Variants in MR1 observed in about 807,000 individuals in gnomAD.
The protein encoded by MR1 is major histocompatibility complex, class I-related.
Under a neutral mutation model 37.8 loss-of-function variants are expected in MR1, and 44 were observed. The observed-to-expected ratio is 1.16, with a 90% CI of 0.91 to 1.50. The LOEUF (loss-of-function observed/expected upper bound fraction) is 1.50. Among genes scored for constraint, MR1 ranks in the 40% most tolerant of loss-of-function variants. The probability of loss-of-function intolerance (pLI) is 0.00; values close to 1 mark genes in which losing one functional copy is unlikely to be tolerated. For synonymous variants in MR1, 153 were observed against 155.8 expected, an observed-to-expected ratio of 0.98 and a Z score of 0.13; for missense variants, 386 against 419.1, an observed-to-expected ratio of 0.92 and a Z score of 0.69.
At chr1:181,040,330 A>C (rs12752307) in intron 1 of MR1, among the ~76,000 whole-genome samples, 108,931 of 152,040 alleles carry the variant, frequency 0.72, 39,391 homozygotes, top group African/African-American at 0.79. Context: ...CAAAAATGGT[A>C]AAATATTGGC....
intron 2 of MR1, chr1:181,049,602 T>C: frequency 7.8e-6 from 4 of 514,660 alleles, no homozygotes; most frequent in Non-Finnish European, 1.4e-5. Context: ...TCCTTTTCCA[T>C]TCTAAATTTG....
chr1:181,055,162 A>G, intron 5 of MR1, 63 bp from the exon 6 acceptor site: 2 of 1,512,882 alleles, frequency 1.3e-6, no homozygotes, highest in Non-Finnish European at 1.8e-6. Context: ...AACACTGCAT[A>G]CTTTATTTTT....
At position 181,056,371 on chromosome 1, in the gene MR1, A is replaced by G. The variant is rs1422835332; in HGVS notation, c.*1106A>G. 1.8e-5 allele frequency: 1 copy of G among 54,918 alleles called. No individual in the cohort carries two copies. Among genetic ancestry groups the G allele is most frequent in the Non-Finnish European group, 2.9e-5 (1 of 34,334 alleles). The allele number at this position is 54,918 out of a possible 1,614,324, so 3.4% of individuals were successfully genotyped here. On this transcript the variant is annotated 3_prime_UTR_variant, in exon 6 of 6. Transcript: ENST00000367580. ...GAGTGAGACTCTATCTCAAAATAAT[A>G]ATAATAATAATAATAATAATAATAA...
At chr1:181,050,371 T>C (rs1487094575) in intron 3 of MR1, 85 bp downstream of exon 3, 2 of 1,548,430 alleles carry the variant, frequency 1.3e-6, no homozygotes, top group South Asian at 2.3e-5. Context: ...TTATATCCAC[T>C]GTATCCTGAA....
At chr1:181,049,510 T>C in intron 2 of MR1, 198 bp downstream of exon 2, 1 of 643,264 alleles carries the variant, frequency 1.6e-6, no homozygotes, top group Non-Finnish European at 2.6e-6. Flanking sequence ...CCAGGAGCAC[T>C]CTGTCATTTG....
At chr1:181,047,521 C>T (rs1657960210) in intron 1 of MR1, among the ~76,000 whole-genome samples, 2 of 152,128 alleles carry the variant, frequency 1.3e-5, no homozygotes, top group Admixed American at 1.3e-4. Context: ...ATCACTTGAA[C>T]CCAGGAGGCA....
chr1:181,059,935 T>G lies in MR1; in HGVS notation c.*4670T>G, dbSNP rs1244982858. 2.0e-5 allele frequency: 3 copies of G among 152,200 alleles called. No individual in the cohort carries two copies. Among genetic ancestry groups the G allele is most frequent in the Non-Finnish European group, 2.9e-5 (2 of 68,030 alleles). The allele number at this position is 152,200 out of a possible 1,614,324, so 9.4% of individuals were successfully genotyped here. ...AAAGATGCAACATGTCACAATGTCATGTTCTCCATCGTCTCCCCGTTCCAC... is the reference window on the plus strand; with the variant it reads ...AAAGATGCAACATGTCACAATGTCAGGTTCTCCATCGTCTCCCCGTTCCAC... On this transcript the variant is annotated 3_prime_UTR_variant, in exon 6 of 6. Coordinates refer to ENST00000367580, the MANE Select transcript of MR1 (RefSeq NM_001385161.1).
At chr1:181,035,083 T>C (rs994645631) in intron 1 of MR1, among the ~76,000 whole-genome samples, 43 of 152,226 alleles carry the variant, frequency 2.8e-4, no homozygotes, top group African/African-American at 1.0e-3. Flanking sequence ...GACGGATCGC[T>C]TGAGGTCAGG....
chr1:181,055,343 G>T lies in MR1; in HGVS notation c.*78G>T. 3 of 1,374,956 alleles carry T rather than the reference G, an allele frequency of 2.2e-6. No individual in the cohort carries two copies. Among genetic ancestry groups the T allele is most frequent in the Non-Finnish European group, 3.1e-6 (3 of 968,288 alleles). 85.2% of individuals were successfully genotyped at this position (1,374,956 alleles called of 1,614,324 possible). On this transcript the variant is annotated 3_prime_UTR_variant, in exon 6 of 6. Coordinates refer to ENST00000367580, the MANE Select transcript of MR1 (RefSeq NM_001385161.1). Reference sequence around the variant, plus strand: ...TGTCCCCCATAGAGTCAAGCCTAGTGCTTGAAGGTCCTGACGACACCCACA... The same window carrying T: ...TGTCCCCCATAGAGTCAAGCCTAGTTCTTGAAGGTCCTGACGACACCCACA...
At chr1:181,044,921 G>C (rs745639513) in intron 1 of MR1, among the ~76,000 whole-genome samples, 33 of 152,252 alleles carry the variant, frequency 2.2e-4, no homozygotes, top group Non-Finnish European at 5.9e-5. Flanking sequence ...CAGGCTGAGG[G>C]CCGGGGACTG....
intron 1 of MR1, among the ~76,000 whole-genome samples, chr1:181,045,378 G>A (rs1203467939): frequency 6.6e-6 from 1 of 152,094 alleles, no homozygotes; most frequent in African/African-American, 2.4e-5. Flanking sequence ...AGCCTTCTCA[G>A]CCTGGGCTCC....
rs966915734 is a variant in MR1, at chr1:181,057,535, A to G, written c.*2270A>G. ...GGATACTCTCATCAAAGACACAGATAAAAAGCCTCTGTGTTTCCAAGGCCT... is the reference window on the plus strand; with the variant it reads ...GGATACTCTCATCAAAGACACAGATGAAAAGCCTCTGTGTTTCCAAGGCCT... On this transcript the variant is annotated 3_prime_UTR_variant, in exon 6 of 6. Coordinates refer to ENST00000367580, the MANE Select transcript of MR1 (RefSeq NM_001385161.1). 4 of 152,202 alleles carry G rather than the reference A, an allele frequency of 2.6e-5. No homozygotes were observed. Among genetic ancestry groups the G allele is most frequent in the African/African-American group, 9.7e-5 (4 of 41,450 alleles). 9.4% of individuals were successfully genotyped at this position (152,202 alleles called of 1,614,324 possible). A position where few individuals can be genotyped will look rare whatever the true frequency, so the allele number is the denominator to read the frequency against.
At chr1:181,043,902 C>G (rs995278206) in intron 1 of MR1, among the ~76,000 whole-genome samples, 1 of 149,386 alleles carries the variant, frequency 6.7e-6, no homozygotes, top group African/African-American at 2.5e-5. Flanking sequence ...TATAAACAAA[C>G]TTGTAGCACA....
intron 1 of MR1, among the ~76,000 whole-genome samples, chr1:181,043,144 C>G (rs1436169470): frequency 6.6e-6 from 1 of 152,192 alleles, no homozygotes; most frequent in East Asian, 1.9e-4. Flanking sequence ...TATGAAGAGG[C>G]TCTCATGACT....
intron 4 of MR1, 36 bp from the exon 5 acceptor site, chr1:181,053,537 G>A: frequency 6.7e-7 from 1 of 1,486,152 alleles, no homozygotes; most frequent in Non-Finnish European, 9.4e-7. Context: ...AAGGGAAAGG[G>A]GACTTGTGGA....
intron 1 of MR1, among the ~76,000 whole-genome samples, chr1:181,048,220 A>G (rs1571391646): frequency 7.6e-6 from 1 of 131,380 alleles, no homozygotes; most frequent in Non-Finnish European, 1.6e-5. Context: ...CCATCTCAAA[A>G]AAATAAATAA....
intron 5 of MR1, among the ~76,000 whole-genome samples, chr1:181,054,517 A>G (rs1658498118): frequency 6.6e-6 from 1 of 152,170 alleles, no homozygotes; most frequent in Admixed American, 6.5e-5. Flanking sequence ...GTACAAAAGC[A>G]TGTTGTTAGA....
chr1:181,050,089 A>G lies in MR1; in HGVS notation c.407A>G (p.Tyr136Cys), dbSNP rs1440825958. 1.2e-6 allele frequency: 2 copies of G among 1,614,164 alleles called. No homozygotes were observed. The highest frequency in any genetic ancestry group is 1.1e-5 in the South Asian group (1 of 91,086). ...GSTTGFLQYA[Y>C]DGQDFLIFNK... ...ACCACAGGATTTCTGCAGTATGCAT[A>G]TGACGGGCAGGATTTCCTGATCTTC... The change falls in exon 3 of 6, where the codon TAT (tyrosine) becomes TGT (cysteine). Residue 136 changes from tyrosine to cysteine, a missense_variant. Tyr to Cys is a radical substitution (Grantham distance 194, BLOSUM62 -2). Coordinates refer to ENST00000367580, the MANE Select transcript of MR1 (RefSeq NM_001385161.1).
intron 3 of MR1, 180 bp downstream of exon 3, chr1:181,050,466 GAC>G (rs1422542735): frequency 1.5e-6 from 1 of 687,728 alleles, no homozygotes; most frequent in East Asian, 2.8e-5. Flanking sequence ...GCAGCATCTT[GAC>G]AAGATTTGAC....
Sources: allele counts gnomAD v4.1 joint callset (sites outside exome capture counted in the v4.1 genomes callset), GRCh38; gene constraint gnomAD v4.1.1; transcripts MANE v1.5; gene names NCBI Gene and HGNC (gene_info 2026-07-23, HGNC 2026-07-21).